The following OLFM3 variants were observed in gnomAD, a reference collection of about 807,000 sequenced individuals.
OLFM3 encodes olfactomedin 3.
OLFM3 carries 20 observed loss-of-function variants against 48.6 expected under a neutral mutation model. The ratio of observed to expected loss-of-function variants is 0.41; its 90% CI spans 0.29 to 0.60. OLFM3 has a LOEUF of 0.60. Ranked by LOEUF, OLFM3 falls within the 20% of genes least tolerant of loss-of-function variation. The pLI, the probability that OLFM3 is intolerant of heterozygous loss-of-function variation, is 0.28. For synonymous variants in OLFM3, 222 were observed against 198.1 expected, an observed-to-expected ratio of 1.12 and a Z score of -1.01; for missense variants, 437 against 544.3, an observed-to-expected ratio of 0.80 and a Z score of 1.96.
At chr1:101,939,276 T>C (rs1349490856) in intron 1 of OLFM3, among the ~76,000 whole-genome samples, 2 of 152,198 alleles carry the variant, frequency 1.3e-5, no homozygotes, top group Non-Finnish European at 2.9e-5. Flanking sequence ...TAAACTTGGA[T>C]GGCAAAATGT....
intron 1 of OLFM3, among the ~76,000 whole-genome samples, chr1:101,869,053 G>GAC (rs895901811): frequency 6.6e-6 from 1 of 152,204 alleles, no homozygotes; most frequent in African/African-American, 2.4e-5. Flanking sequence ...ACACTGCTGG[G>GAC]ACACTGTGGA....
intron 1 of OLFM3, among the ~76,000 whole-genome samples, chr1:101,996,541 C>T (rs1570700619): frequency 6.6e-6 from 1 of 152,216 alleles, no homozygotes; most frequent in East Asian, 1.9e-4. Context: ...CTAGTCCCTC[C>T]CCCCGCGCAG....
At chr1:101,961,537 T>C (rs112429137) in intron 1 of OLFM3, among the ~76,000 whole-genome samples, 10 of 152,038 alleles carry the variant, frequency 6.6e-5, no homozygotes, top group African/African-American at 2.2e-4. Flanking sequence ...AAAACACCTA[T>C]AGAAATCCCT....
At chr1:101,963,747 C>G (rs370472550) in intron 1 of OLFM3, among the ~76,000 whole-genome samples, 1 of 152,148 alleles carries the variant, frequency 6.6e-6, no homozygotes, top group East Asian at 1.9e-4. Flanking sequence ...CATTTACATT[C>G]AACCCTTTAA....
chr1:101,827,564 G>C (rs1371131397), intron 3 of OLFM3, among the ~76,000 whole-genome samples: 1 of 152,056 alleles, frequency 6.6e-6, no homozygotes, highest in Non-Finnish European at 1.5e-5. Context: ...ACTTTGGAAC[G>C]TTCCATTTCC....
Position 101,940,835 on chromosome 1 carries a change from G to T in OLFM3, c.69+55913C>A, listed in dbSNP as rs765492186. Reference sequence around the variant, plus strand: ...TAGCTATATCCAAATACATATTTATGTCTATACCTAATTTATTTAAATCTA... The same window carrying T: ...TAGCTATATCCAAATACATATTTATTTCTATACCTAATTTATTTAAATCTA... On this transcript the variant is annotated intron_variant, in intron 1 of 5. Transcript: ENST00000370103. Among the ~76,000 whole-genome samples, 71 of 151,338 alleles carry T rather than the reference G, an allele frequency of 4.7e-4. 1 individual carries two copies. The highest frequency in any genetic ancestry group is 7.4e-5 in the Non-Finnish European group (5 of 67,894).
intron 1 of OLFM3, among the ~76,000 whole-genome samples, chr1:101,936,865 C>A (rs1406995967): frequency 6.6e-6 from 1 of 152,136 alleles, no homozygotes; most frequent in Non-Finnish European, 1.5e-5. Context: ...AGAAATGGCT[C>A]CATATTCAAT....
chr1:101,990,989 T>TA (rs58481588), intron 1 of OLFM3, among the ~76,000 whole-genome samples: 278 of 8,924 alleles, frequency 0.031, 10 homozygotes, highest in Non-Finnish European at 0.049. Context: ...TGTCAAAAAG[T>TA]AAAAAAAAAA....
intron 1 of OLFM3, among the ~76,000 whole-genome samples, chr1:101,909,622 T>C (rs1000785240): frequency 1.3e-5 from 2 of 152,232 alleles, no homozygotes; most frequent in Non-Finnish European, 2.9e-5. Flanking sequence ...TCATTCTGCA[T>C]ATAAGTGTGA....
At chr1:101,815,351 G>A (rs1407415448) in intron 4 of OLFM3, among the ~76,000 whole-genome samples, 2 of 151,720 alleles carry the variant, frequency 1.3e-5, no homozygotes, top group Non-Finnish European at 2.9e-5. Context: ...GGAAACTAAG[G>A]CAGGACAATG....
intron 3 of OLFM3, among the ~76,000 whole-genome samples, chr1:101,828,398 T>G (rs889737793): frequency 6.6e-6 from 1 of 152,190 alleles, no homozygotes; most frequent in African/African-American, 2.4e-5. Flanking sequence ...ATTATTGTTA[T>G]TATCATTACT....
intron 1 of OLFM3, among the ~76,000 whole-genome samples, chr1:101,940,554 T>C (rs1471334064): frequency 1.3e-5 from 2 of 151,832 alleles, no homozygotes; most frequent in Admixed American, 6.6e-5. Context: ...TATCTATCTA[T>C]CTATCATCTA....
At chr1:101,889,941 G>A (rs990501329) in intron 1 of OLFM3, among the ~76,000 whole-genome samples, 2 of 151,926 alleles carry the variant, frequency 1.3e-5, no homozygotes, top group African/African-American at 2.4e-5. Context: ...AGAAAAGAGT[G>A]GAGAACAAAT....
chr1:101,950,006 C>A (rs1176447887), intron 1 of OLFM3, among the ~76,000 whole-genome samples: 2 of 135,288 alleles, frequency 1.5e-5, no homozygotes, highest in South Asian at 2.5e-4. Flanking sequence ...CCAGCCTGGG[C>A]GACAGAGTGA....
chr1:101,936,713 C>G (rs1034027897), intron 1 of OLFM3, among the ~76,000 whole-genome samples: 6 of 152,166 alleles, frequency 3.9e-5, no homozygotes, highest in African/African-American at 1.4e-4. Context: ...AATAATACTG[C>G]AATGCTAGAG....
At chr1:101,950,695 C>A (rs577682656) in intron 1 of OLFM3, among the ~76,000 whole-genome samples, 8 of 152,068 alleles carry the variant, frequency 5.3e-5, no homozygotes, top group Admixed American at 5.2e-4. Context: ...CCACCCGCCT[C>A]GGCCTCCCAA....
intron 1 of OLFM3, among the ~76,000 whole-genome samples, chr1:101,936,874 A>C (rs562081465): frequency 9.2e-5 from 14 of 152,322 alleles, no homozygotes; most frequent in African/African-American, 3.4e-4. Flanking sequence ...TCCATATTCA[A>C]TAAATGGTGC....
intron 1 of OLFM3, among the ~76,000 whole-genome samples, chr1:101,870,510 C>T (rs1657037103): frequency 1.3e-5 from 2 of 152,256 alleles, no homozygotes; most frequent in African/African-American, 2.4e-5. Flanking sequence ...AACACCTTTT[C>T]AATCTTTGTC....
intron 1 of OLFM3, among the ~76,000 whole-genome samples, chr1:101,962,691 G>C (rs1294186164): frequency 6.6e-6 from 1 of 152,042 alleles, no homozygotes; most frequent in Non-Finnish European, 1.5e-5. Flanking sequence ...AATAATCAAA[G>C]AACAGAAAAT....
Sources: gnomAD v4.1 joint callset for allele counts (sites outside exome capture counted in the v4.1 genomes callset) on GRCh38, gnomAD v4.1.1 for gene constraint, MANE v1.5 for transcripts, NCBI Gene and HGNC (gene_info 2026-07-23, HGNC 2026-07-21) for gene names.